FRMPD4: variants seen among roughly 807,000 people sequenced by gnomAD.
FRMPD4 encodes FERM and PDZ domain containing 4.
Under a neutral mutation model 94.1 loss-of-function variants are expected in FRMPD4, and 22 were observed. That is an observed-to-expected ratio of 0.23 (90% confidence interval 0.17 to 0.33). The LOEUF (loss-of-function observed/expected upper bound fraction) is 0.33, where lower values mean the gene tolerates loss of function less well. Among genes scored for constraint, FRMPD4 ranks in the 10% least tolerant of loss-of-function variants. The pLI is 1.00. For missense variants in FRMPD4, 1,111 were observed against 1,339.9 expected (o/e 0.83, Z 2.67); for synonymous variants, 631 against 548.6 (o/e 1.15, Z -2.10).
chrX:12,225,461 A>G (rs930288405), intron 1 of FRMPD4, among the ~76,000 whole-genome samples: 13 of 112,385 alleles, frequency 1.2e-4, no homozygotes, highest in African/African-American at 3.2e-5. Context: ...GGGGGTTTAC[A>G]TAACTGAGTG....
chrX:11,911,481 C>T (rs1267771552), intron 3 of FRMPD4, among the ~76,000 whole-genome samples: 1 of 112,066 alleles, frequency 8.9e-6, no homozygotes, highest in Non-Finnish European at 1.9e-5. Context: ...CAAAATGTGA[C>T]ACTGTTTTGC....
intron 1 of FRMPD4, among the ~76,000 whole-genome samples, chrX:12,169,542 A>G (rs1429918633): frequency 8.9e-6 from 1 of 111,936 alleles, no homozygotes; most frequent in Non-Finnish European, 1.9e-5. Flanking sequence ...TTTTATTGGA[A>G]CACAACCACA....
chrX:12,250,324 G>T (rs754727385), intron 1 of FRMPD4, among the ~76,000 whole-genome samples: 6 of 111,338 alleles, frequency 5.4e-5, no homozygotes, highest in Non-Finnish European at 9.4e-5. Context: ...TTTGAGAGTT[G>T]CTTTTTAAAC....
At chrX:11,993,635 A>G (rs141002926) in intron 3 of FRMPD4, among the ~76,000 whole-genome samples, 240 of 112,563 alleles carry the variant, frequency 2.1e-3, no homozygotes, top group African/African-American at 7.5e-3. Flanking sequence ...TACTATGTCT[A>G]TCTTGAGCCA....
At chrX:12,637,178 A>G (rs1327238126) in intron 4 of FRMPD4, among the ~76,000 whole-genome samples, 1 of 112,456 alleles carries the variant, frequency 8.9e-6, no homozygotes, top group African/African-American at 3.2e-5. Context: ...CATCTATCTT[A>G]AATCTTTATC....
chrX:12,078,603 G>A (rs974251583), intron 3 of FRMPD4, among the ~76,000 whole-genome samples: 3 of 112,184 alleles, frequency 2.7e-5, no homozygotes, highest in Admixed American at 1.9e-4. Flanking sequence ...AAGCATTAAC[G>A]TCAATTTGGT....
At chrX:12,295,567 C>T (rs1314585884) in intron 1 of FRMPD4, among the ~76,000 whole-genome samples, 1 of 111,341 alleles carries the variant, frequency 9.0e-6, no homozygotes, top group African/African-American at 3.3e-5. Flanking sequence ...CCTTACCTTC[C>T]TCCTTTTAGT....
chrX:11,925,185 G>A (rs2054079910), intron 3 of FRMPD4, among the ~76,000 whole-genome samples: 1 of 109,941 alleles, frequency 9.1e-6, no homozygotes, highest in African/African-American at 3.3e-5. Flanking sequence ...ATGGTAAAGG[G>A]TTCAATTCAA....
At chrX:12,218,432 G>A (rs2147753032) in intron 1 of FRMPD4, among the ~76,000 whole-genome samples, 1 of 111,724 alleles carries the variant, frequency 9.0e-6, no homozygotes, top group Admixed American at 9.5e-5. Context: ...GTGCAAAGTA[G>A]GGGTGAATGT....
intron 3 of FRMPD4, among the ~76,000 whole-genome samples, chrX:11,919,188 A>G (rs1222147756): frequency 8.9e-6 from 1 of 112,352 alleles, no homozygotes; most frequent in Non-Finnish European, 1.9e-5. Flanking sequence ...CCCAGCCTGT[A>G]TATACTGGAT....
At chrX:11,884,332 A>C (rs980381060) in intron 3 of FRMPD4, among the ~76,000 whole-genome samples, 1 of 111,966 alleles carries the variant, frequency 8.9e-6, no homozygotes, top group Non-Finnish European at 1.9e-5. Flanking sequence ...TTGATAATTG[A>C]GGGGATAGAC....
Position 12,718,504 on chromosome X carries a change from CAG to C in FRMPD4, c.3679_3680del (p.Ser1227TrpfsTer23), listed in dbSNP as rs1156813705. The part of the protein sequence containing the change: ...SVDAGCGTGS[S>X]GSACATPVES... Reference sequence around the variant, plus strand: ...TGGATGCAGGCTGTGGCACAGGCAGCAGTGGCAGTGCCTGTGCCACACCCGTG... The same window carrying C: ...TGGATGCAGGCTGTGGCACAGGCAGCTGGCAGTGCCTGTGCCACACCCGTG... On this transcript the variant is annotated frameshift_variant, in exon 16 of 17. Transcript: ENST00000675598. LOFTEE classifies it high-confidence loss of function. 8.3e-7 allele frequency: 1 copy of C among 1,199,235 alleles called. No homozygotes were observed. Among genetic ancestry groups the C allele is most frequent in the South Asian group, 1.8e-5 (1 of 56,728 alleles).
At chrX:12,081,931 G>T (rs1326581549) in intron 3 of FRMPD4, among the ~76,000 whole-genome samples, 2 of 111,846 alleles carry the variant, frequency 1.8e-5, no homozygotes, top group African/African-American at 6.5e-5. Context: ...ATCTGATGTA[G>T]CCCGATTGAC....
rs1017152711 is a variant in FRMPD4 at position 12,049,216 on chromosome X, G to A, written c.95+171198G>A. On this transcript the variant is annotated intron_variant, in intron 3 of 18. Coordinates refer to the FRMPD4 transcript ENST00000640291. ...AGATGTTTTACCTCCTTCGTTAGAT[G>A]TCTTCCTAGGTATTTTATTTTTTTG... is the stretch of plus-strand genomic sequence containing the variant. Among the ~76,000 whole-genome samples the A allele has an allele frequency of 2.1e-4, 23 of 111,411 alleles. No individual in the cohort carries two copies. In the Admixed American group the frequency reaches 2.2e-3, roughly 11 times the overall value.
chrX:12,702,144 A>G (rs2041797545), intron 10 of FRMPD4, 134 bp downstream of exon 10: 1 of 561,088 alleles, frequency 1.8e-6, no homozygotes, highest in Non-Finnish European at 3.0e-6. Flanking sequence ...AAATGTATGA[A>G]TATCATGCTC....
chrX:11,875,720 C>A (rs1052227611), intron 2 of FRMPD4, among the ~76,000 whole-genome samples: 2 of 110,560 alleles, frequency 1.8e-5, no homozygotes, highest in Non-Finnish European at 3.8e-5. Context: ...CTCTTTGCGG[C>A]ACACTCAATA....
chrX:12,606,497 G>A, intron 2 of FRMPD4, among the ~76,000 whole-genome samples: 1 of 111,712 alleles, frequency 9.0e-6, no homozygotes, highest in Non-Finnish European at 1.9e-5. Context: ...ATTCTAATGT[G>A]CAGCAAAGTT....
intron 1 of FRMPD4, among the ~76,000 whole-genome samples, chrX:12,447,369 GC>G (rs2057210805): frequency 9.0e-6 from 1 of 111,708 alleles, no homozygotes; most frequent in African/African-American, 3.3e-5. Context: ...GCCAGATATT[GC>G]CAAGTGTCCC....
At chrX:12,012,454 C>T (rs2054586021) in intron 3 of FRMPD4, among the ~76,000 whole-genome samples, 1 of 111,627 alleles carries the variant, frequency 9.0e-6, no homozygotes. Context: ...TATATTGGTC[C>T]TTGCTCCCTT....
Sources: gnomAD v4.1 joint callset for allele counts (sites outside exome capture counted in the v4.1 genomes callset) on GRCh38, gnomAD v4.1.1 for gene constraint, MANE v1.5 for transcripts, NCBI Gene and HGNC (gene_info 2026-07-23, HGNC 2026-07-21) for gene names.